The following NECTIN1 variants were observed in gnomAD, a reference collection of about 807,000 sequenced individuals.
The protein encoded by NECTIN1 is nectin-1.
In NECTIN1, 23 loss-of-function variants were observed where a neutral mutation model predicts 48.0. The observed-to-expected ratio is 0.48, with a 90% CI of 0.34 to 0.68. The LOEUF (loss-of-function observed/expected upper bound fraction) is 0.68, where lower values mean the gene tolerates loss of function less well. NECTIN1 is among the 30% of genes least tolerant of loss of function. The probability of loss-of-function intolerance (pLI) is 0.01; values close to 1 mark genes in which losing one functional copy is unlikely to be tolerated. For synonymous variants in NECTIN1, 270 were observed against 288.9 expected (o/e 0.93, Z 0.66); for missense variants, 591 against 709.9 (o/e 0.83, Z 1.90).
At chr11:119,696,701 G>A (rs1031437194) in intron 1 of NECTIN1, among the ~76,000 whole-genome samples, 2 of 152,184 alleles carry the variant, frequency 1.3e-5, no homozygotes, top group African/African-American at 4.8e-5. Flanking sequence ...CCAGGAAAGG[G>A]TGGGTTCCCC....
In NECTIN1 at chr11:119,678,349, G is replaced by T; in HGVS notation, c.430+66C>A. 1 of 1,443,076 alleles carries T rather than the reference G, an allele frequency of 6.9e-7. No homozygotes were observed. The highest frequency in any genetic ancestry group is 9.7e-7 in the Non-Finnish European group (1 of 1,027,118). The allele number at this position is 1,443,076 out of a possible 1,614,324, so 89.4% of individuals were successfully genotyped here. Reference sequence around the variant, plus strand: ...ATGTCTGGGGTCATTGAGGCATCCTGAGGATGGCCACGCCCCGAGGTCACA... The same window carrying T: ...ATGTCTGGGGTCATTGAGGCATCCTTAGGATGGCCACGCCCCGAGGTCACA... On this transcript the variant is annotated intron_variant, in intron 2 of 5. Coordinates refer to ENST00000264025, the MANE Select transcript of NECTIN1 (RefSeq NM_002855.5). The surrounding 1 kb of genome is among the most constrained non-coding windows in gnomAD (Gnocchi z 4.4).
At chr11:119,682,544 G>A (rs1270178363) in intron 1 of NECTIN1, among the ~76,000 whole-genome samples, 1 of 152,146 alleles carries the variant, frequency 6.6e-6, no homozygotes, top group East Asian at 1.9e-4. Context: ...TTCCACCTCT[G>A]CCATTGATGA....
chr11:119,667,804 T>A (rs1864799603), intron 5 of NECTIN1, among the ~76,000 whole-genome samples: 1 of 152,188 alleles, frequency 6.6e-6, no homozygotes, highest in Non-Finnish European at 1.5e-5. Context: ...GTCACCCTTA[T>A]CCTGCTGGCT....
intron 1 of NECTIN1, among the ~76,000 whole-genome samples, chr11:119,701,156 G>A (rs141975476): frequency 9.8e-5 from 15 of 152,316 alleles, no homozygotes; most frequent in African/African-American, 3.1e-4. Flanking sequence ...ACTGCTCTGT[G>A]CCTCAGCTGT....
At chr11:119,703,546 T>A (rs1865491247) in intron 1 of NECTIN1, among the ~76,000 whole-genome samples, 5 of 151,864 alleles carry the variant, frequency 3.3e-5, no homozygotes, top group African/African-American at 1.2e-4. Context: ...CTCCAAGAGC[T>A]CCCCAGGAGC....
intron 1 of NECTIN1, among the ~76,000 whole-genome samples, chr11:119,720,325 G>T (rs991076012): frequency 7.9e-5 from 12 of 152,258 alleles, no homozygotes; most frequent in Admixed American, 5.9e-4. Flanking sequence ...CCCCAGTCCT[G>T]CCCGGGGCAT....
In NECTIN1 at chr11:119,662,635, T is replaced by C. The variant is rs1864687071; in HGVS notation, c.*2112A>G. On this transcript the variant is annotated 3_prime_UTR_variant, in exon 6 of 6. Coordinates refer to ENST00000264025, the MANE Select transcript of NECTIN1 (RefSeq NM_002855.5). This position sits in a 1 kb window ranked among gnomAD's most constrained non-coding sequence, Gnocchi z 5.3. ...CAGGCAGGCCCCTGGGATTGCCTCCTGCCTGGGGGAAAAGGGGACCAAGCA... is the reference window on the plus strand; with the variant it reads ...CAGGCAGGCCCCTGGGATTGCCTCCCGCCTGGGGGAAAAGGGGACCAAGCA... 1.0e-6 allele frequency: 1 copy of C among 985,614 alleles called. No individual in the cohort carries two copies. Among genetic ancestry groups the C allele is most frequent in the Admixed American group, 6.2e-5 (1 of 16,260 alleles). The allele number at this position is 985,614 out of a possible 1,614,324, so 61.1% of individuals were successfully genotyped here.
chr11:119,678,725 A>G lies in NECTIN1; in HGVS notation c.120T>C (p.Tyr40=). 1 of 1,613,574 alleles carries G rather than the reference A, an allele frequency of 6.2e-7. No homozygotes were observed. Among genetic ancestry groups the G allele is most frequent in the Non-Finnish European group, 8.5e-7 (1 of 1,179,852 alleles). ...GAACCACGTCTGTGCCGATGAAGCC[A>G]TACATGGAGTCGTTCACCTGGACCA... ...SQVVQVNDSM[Y]GFIGTDVVLH... The change falls in exon 2 of 6, where the codon TAT becomes TAC. Residue 40 remains tyrosine, a synonymous_variant. Coordinates refer to ENST00000264025, the MANE Select transcript of NECTIN1 (RefSeq NM_002855.5). This position sits in a 1 kb window ranked among gnomAD's most constrained non-coding sequence, Gnocchi z 4.4.
intron 5 of NECTIN1, among the ~76,000 whole-genome samples, chr11:119,666,518 GAGGCCCT>G (rs1405894840): frequency 6.6e-6 from 1 of 152,236 alleles, no homozygotes; most frequent in Non-Finnish European, 1.5e-5. Flanking sequence ...ACGGGCCAAA[GAGGCCCT>G]AAGGTGAGGC....
chr11:119,656,921 C>T (rs1214143190), downstream of NECTIN1, among the ~76,000 whole-genome samples: 1 of 152,192 alleles, frequency 6.6e-6, no homozygotes, highest in African/African-American at 2.4e-5. Flanking sequence ...AGCCTGGGCT[C>T]TTTCATAATC....
chr11:119,664,673 G>A lies in NECTIN1; in HGVS notation c.*74C>T. 6.7e-7 allele frequency: 1 copy of A among 1,482,350 alleles called. No homozygotes were observed. Among genetic ancestry groups the A allele is most frequent in the South Asian group, 1.4e-5 (1 of 73,060 alleles). 91.8% of individuals were successfully genotyped at this position (1,482,350 alleles called of 1,614,324 possible). On this transcript the variant is annotated 3_prime_UTR_variant, in exon 6 of 6. Transcript: ENST00000264025. ...CTCTGTTCAGCTCCTGGAGTGGGAG[G>A]TGGGGGGTGGGCAGGGGGCGTGCGG...
At chr11:119,656,612 G>C (rs1222701821), downstream of NECTIN1, among the ~76,000 whole-genome samples, 1 of 152,230 alleles carries the variant, frequency 6.6e-6, no homozygotes, top group South Asian at 2.1e-4. Context: ...AGGTCAGGCT[G>C]GGGGACCCTG....
At position 119,714,968 on chromosome 11, in the gene NECTIN1, G is replaced by A. The variant is rs548726567; in HGVS notation, c.79+13507C>T. Among the ~76,000 whole-genome samples the A allele has an allele frequency of 2.6e-5, 4 of 152,232 alleles. No individual in the cohort carries two copies. In the South Asian group the frequency reaches 8.3e-4, roughly 32 times the overall value. On this transcript the variant is annotated intron_variant, in intron 1 of 5. Coordinates refer to ENST00000264025, the MANE Select transcript of NECTIN1 (RefSeq NM_002855.5). Reference sequence around the variant, plus strand: ...TGAGACTCAGGAGAGGTGAGACGGGGGCCGAGGCTGTCTGTAAATGCCTGC... The same window carrying A: ...TGAGACTCAGGAGAGGTGAGACGGGAGCCGAGGCTGTCTGTAAATGCCTGC...
chr11:119,709,422 G>T lies in NECTIN1; in HGVS notation c.79+19053C>A, dbSNP rs1270674955. Among the ~76,000 whole-genome samples the T allele has an allele frequency of 5.3e-5, 8 of 152,156 alleles. No homozygotes were observed. The highest frequency in any genetic ancestry group is 4.6e-4 in the Admixed American group (7 of 15,276). ...CCTGGGGCCGGGGGAGAGCCTGCAG[G>T]GGCAGGGGCGCAGAGGAAGCCGAGA... On this transcript the variant is annotated intron_variant, in intron 1 of 5. Coordinates refer to ENST00000264025, the MANE Select transcript of NECTIN1 (RefSeq NM_002855.5). The surrounding 1 kb of genome is among the most constrained non-coding windows in gnomAD (Gnocchi z 4.1).
downstream of NECTIN1, chr11:119,659,179 C>T (rs1002887511): frequency 1.3e-5 from 2 of 152,260 alleles, no homozygotes; most frequent in African/African-American, 4.8e-5. Context: ...GGATACCCAG[C>T]GTTCGGAATT....
At position 119,715,607 on chromosome 11, in the gene NECTIN1, C is replaced by T. The variant is rs764638734; in HGVS notation, c.79+12868G>A. On this transcript the variant is annotated intron_variant, in intron 1 of 5. Coordinates refer to ENST00000264025, the MANE Select transcript of NECTIN1 (RefSeq NM_002855.5). ...CTGACCTCAGGTTATCTACCCGCCT[C>T]GGCCTCCCAAAGTGCTAGGACTATA... Among the ~76,000 whole-genome samples the T allele has an allele frequency of 1.2e-4, 18 of 152,130 alleles. 1 individual carries two copies. Among genetic ancestry groups the T allele is most frequent in the Non-Finnish European group, 2.2e-4 (15 of 68,024 alleles).
intron 1 of NECTIN1, among the ~76,000 whole-genome samples, chr11:119,690,570 G>A (rs776532436): frequency 1.8e-4 from 27 of 152,188 alleles, no homozygotes; most frequent in Non-Finnish European, 3.1e-4. Context: ...CTCCAGCAGC[G>A]CTGCCGGAGG....
At chr11:119,679,733 A>G (rs1332780086) in intron 1 of NECTIN1, among the ~76,000 whole-genome samples, 1 of 152,100 alleles carries the variant, frequency 6.6e-6, no homozygotes. Context: ...ATCAAGGAGC[A>G]ATTGAGTCCC....
chr11:119,665,067 T>C lies in NECTIN1; in HGVS notation c.1234A>G (p.Met412Val), dbSNP rs1464967533. ...KAGIPQHHPP[M>V]AQNLQYPDDS... is the part of the protein sequence containing the mutation. ...TCGGGGTACTGCAGGTTCTGTGCCA[T>C]TGGTGGGTGGTGCTGGGGGATGCCT... Residue 412 changes from methionine to valine, a missense_variant, in exon 6 of 6, where the codon ATG becomes GTG. Physicochemically the swap from Met to Val is conservative, Grantham distance 21. Transcript: ENST00000264025. The surrounding 1 kb of genome is among the most constrained non-coding windows in gnomAD (Gnocchi z 5.1). 1.2e-6 allele frequency: 2 copies of C among 1,613,882 alleles called. No homozygotes were observed. The highest frequency in any genetic ancestry group is 1.7e-5 in the Admixed American group (1 of 60,004).
Sources: gnomAD v4.1 joint callset for allele counts (sites outside exome capture counted in the v4.1 genomes callset) on GRCh38, gnomAD v4.1.1 for gene constraint, Gnocchi (gnomAD v3.1) non-coding constraint, MANE v1.5 for transcripts, NCBI Gene and HGNC (gene_info 2026-07-23, HGNC 2026-07-21) for gene names.